Variants in CYP2C19 observed in about 807,000 individuals in gnomAD.
The protein encoded by CYP2C19 is cytochrome P450 2C19.
Under a neutral mutation model 40.9 loss-of-function variants are expected in CYP2C19, and 59 were observed. The ratio of observed to expected loss-of-function variants is 1.44; its 90% CI spans 1.17 to 1.79. CYP2C19 has a LOEUF of 1.79. CYP2C19 is among the 40% of genes most tolerant of loss of function. The probability of loss-of-function intolerance (pLI) is 0.00; values close to 1 mark genes in which losing one functional copy is unlikely to be tolerated. For missense variants in CYP2C19, 754 were observed against 596.9 expected (o/e 1.26, Z -2.74); for synonymous variants, 253 against 208.7 (o/e 1.21, Z -1.83).
At chr10:94,848,234 C>T (rs1448243264) in intron 7 of CYP2C19, among the ~76,000 whole-genome samples, 1 of 152,084 alleles carries the variant, frequency 6.6e-6, no homozygotes, top group African/African-American at 2.4e-5. Flanking sequence ...GTCTTTGATC[C>T]ATCTTGAATT....
chr10:94,839,981 C>CTTTTTTTTTTTT (rs1018144193), intron 6 of CYP2C19, among the ~76,000 whole-genome samples: 1 of 151,684 alleles, frequency 6.6e-6, no homozygotes, highest in African/African-American at 2.4e-5. Context: ...TACCTTTTTG[C>CTTTTTTTTTTTT]TTTTTTTTAT....
At chr10:94,777,286 A>T (rs973388409) in intron 3 of CYP2C19, among the ~76,000 whole-genome samples, 2 of 152,192 alleles carry the variant, frequency 1.3e-5, no homozygotes, top group African/African-American at 4.8e-5. Context: ...TTCTTCACAG[A>T]ACTAGAAAAA....
intron 5 of CYP2C19, among the ~76,000 whole-genome samples, chr10:94,783,314 G>A (rs950084273): frequency 4.6e-5 from 7 of 152,054 alleles, no homozygotes; most frequent in Middle Eastern, 3.2e-3. Context: ...ATTGAAATAG[G>A]CCTTAAAATA....
At chr10:94,829,301 C>G (rs992829621) in intron 6 of CYP2C19, among the ~76,000 whole-genome samples, 3 of 152,204 alleles carry the variant, frequency 2.0e-5, no homozygotes, top group Non-Finnish European at 4.4e-5. Flanking sequence ...TCAGGTACAC[C>G]AATCCGAAGT....
At chr10:94,775,324 G>T in intron 2 of CYP2C19, 66 bp from the exon 3 acceptor site, 3 of 1,612,336 alleles carry the variant, frequency 1.9e-6, no homozygotes, top group Non-Finnish European at 2.5e-6. Flanking sequence ...CCACATGGCT[G>T]CCCAGTGTCA....
At chr10:94,805,229 T>A (rs977305224) in intron 5 of CYP2C19, among the ~76,000 whole-genome samples, 1 of 151,950 alleles carries the variant, frequency 6.6e-6, no homozygotes, top group African/African-American at 2.4e-5. Context: ...GGTAAGGGAG[T>A]TTTATTTATA....
chr10:94,847,309 T>A (rs928526926), intron 7 of CYP2C19, among the ~76,000 whole-genome samples: 1 of 152,098 alleles, frequency 6.6e-6, no homozygotes, highest in Non-Finnish European at 1.5e-5. Flanking sequence ...TTCCCACCTA[T>A]GAGTGAGAAT....
At chr10:94,850,547 A>G (rs895160298) in intron 8 of CYP2C19, among the ~76,000 whole-genome samples, 2 of 152,320 alleles carry the variant, frequency 1.3e-5, no homozygotes, top group East Asian at 3.9e-4. Flanking sequence ...TTGTAGTTCA[A>G]TAGGACTGAG....
intron 5 of CYP2C19, among the ~76,000 whole-genome samples, chr10:94,791,519 A>C (rs931379840): frequency 6.6e-5 from 10 of 151,988 alleles, no homozygotes; most frequent in African/African-American, 2.2e-4. Flanking sequence ...ATAAATTTCC[A>C]TCTACACACT....
rs1431843564 is a variant in CYP2C19 at position 94,854,426 on chromosome 10, T to C, written c.*1512T>C. Among the ~76,000 whole-genome samples the C allele has an allele frequency of 6.6e-6, 1 of 152,130 alleles. No individual in the cohort carries two copies. Among genetic ancestry groups the C allele is most frequent in the African/African-American group, 2.4e-5 (1 of 41,428 alleles). On this transcript the variant is annotated 3_prime_UTR_variant, in exon 9 of 9. Transcript: ENST00000371321. ...TGATAATTTTATGCTATTGTCCTAA[T>C]ATAATTAGCCTCATGTCATCTCCAA...
chr10:94,822,992 T>C (rs1309482612), intron 6 of CYP2C19, among the ~76,000 whole-genome samples: 1 of 152,134 alleles, frequency 6.6e-6, no homozygotes, highest in Non-Finnish European at 1.5e-5. Context: ...TTGAGCCCTT[T>C]AAGCTATGTA....
chr10:94,844,166 T>A (rs1849539115), intron 7 of CYP2C19, among the ~76,000 whole-genome samples: 4 of 152,180 alleles, frequency 2.6e-5, no homozygotes, highest in Admixed American at 2.6e-4. Flanking sequence ...TGCCTCCCCG[T>A]CTCCACTTTT....
In CYP2C19 at chr10:94,791,167, A is replaced by G. The variant is rs145220761; in HGVS notation, c.819+9170A>G. Among the ~76,000 whole-genome samples the G allele has an allele frequency of 2.1e-3, 320 of 152,256 alleles. 3 individuals carry two copies. The highest frequency in any genetic ancestry group is 3.5e-3 in the South Asian group (17 of 4,830). On this transcript the variant is annotated intron_variant, in intron 5 of 8. Transcript: ENST00000371321. ...AGTTTATTTGCGTAGAGGTGTTTAT[A>G]GTAATCTCTGATGGTAGTTTGTATT...
chr10:94,772,691 G>C (rs1269066760), intron 1 of CYP2C19, among the ~76,000 whole-genome samples: 1 of 152,168 alleles, frequency 6.6e-6, no homozygotes, highest in East Asian at 1.9e-4. Context: ...GCAAACCAAC[G>C]CTCCCAACTC....
chr10:94,817,765 G>C (rs565265359), intron 5 of CYP2C19, among the ~76,000 whole-genome samples: 2 of 152,186 alleles, frequency 1.3e-5, no homozygotes, highest in Admixed American at 6.5e-5. Context: ...TGTAATCCCG[G>C]CACTTTGGGA....
chr10:94,841,782 C>G (rs1357943012), intron 6 of CYP2C19, among the ~76,000 whole-genome samples: 1 of 152,092 alleles, frequency 6.6e-6, no homozygotes, highest in African/African-American at 2.4e-5. Flanking sequence ...TGTTTAATTT[C>G]CATTTACTTG....
chr10:94,821,861 G>C lies in CYP2C19; in HGVS notation c.961+1224G>C, dbSNP rs577628142. On this transcript the variant is annotated intron_variant, in intron 6 of 8. Coordinates refer to ENST00000371321, the MANE Select transcript of CYP2C19 (RefSeq NM_000769.4). ...ACATGGGTAAATTGTGTAACACTGA[G>C]TCTCGGGGTCCCAACTATTTCATCA... is the stretch of plus-strand genomic sequence containing the variant. Among the ~76,000 whole-genome samples the C allele has an allele frequency of 8.8e-4, 133 of 151,966 alleles. 1 individual carries two copies. Among genetic ancestry groups the C allele is most frequent in the African/African-American group, 2.9e-3 (122 of 41,444 alleles).
At chr10:94,821,776 G>A (rs974288354) in intron 6 of CYP2C19, among the ~76,000 whole-genome samples, 7 of 151,534 alleles carry the variant, frequency 4.6e-5, no homozygotes, top group Admixed American at 3.3e-4. Flanking sequence ...AACCTATAAC[G>A]TTCTAGAAGA....
At chr10:94,843,667 T>A (rs1161577201) in intron 7 of CYP2C19, among the ~76,000 whole-genome samples, 1 of 152,214 alleles carries the variant, frequency 6.6e-6, no homozygotes, top group Non-Finnish European at 1.5e-5. Context: ...ATCTCTAGAT[T>A]CATTGGAATT....
Sources: allele counts gnomAD v4.1 joint callset (sites outside exome capture counted in the v4.1 genomes callset), GRCh38; gene constraint gnomAD v4.1.1; transcripts MANE v1.5; gene names NCBI Gene and HGNC (gene_info 2026-07-23, HGNC 2026-07-21).